The following DCK variants were observed in gnomAD, a reference collection of about 807,000 sequenced individuals.
DCK encodes the protein deoxycytidine kinase, also known as deoxyadenosine kinase.
A neutral mutation model predicts 38.3 loss-of-function variants in DCK; 23 were observed. That is an observed-to-expected ratio of 0.60 (90% confidence interval 0.43 to 0.85). The LOEUF (loss-of-function observed/expected upper bound fraction) is 0.85. Ranked by LOEUF, DCK falls within the 40% of genes least tolerant of loss-of-function variation. DCK has a pLI of 0.00. For synonymous variants in DCK, 108 were observed against 100.6 expected (o/e 1.07, Z -0.44); for missense variants, 259 against 304.4 (o/e 0.85, Z 1.11).
At chr4:71,004,253 T>C (rs1332069330) in intron 2 of DCK, among the ~76,000 whole-genome samples, 2 of 152,202 alleles carry the variant, frequency 1.3e-5, no homozygotes, top group Non-Finnish European at 2.9e-5. Flanking sequence ...GGAGGTCCAC[T>C]GCAGATCCTG....
intron 3 of DCK, among the ~76,000 whole-genome samples, chr4:71,023,113 T>C (rs924175161): frequency 6.6e-6 from 1 of 152,162 alleles, no homozygotes; most frequent in Non-Finnish European, 1.5e-5. Flanking sequence ...AAATTAGCAA[T>C]AATAAATTCA....
intron 2 of DCK, among the ~76,000 whole-genome samples, chr4:71,018,666 ATTTTTTTT>A (rs11315015): frequency 7.2e-5 from 6 of 83,312 alleles, no homozygotes; most frequent in Admixed American, 1.3e-4. Flanking sequence ...TATTTTTTAG[ATTTTTTTT>A]TTTTTTTTTT....
chr4:71,023,706 G>A lies in DCK; in HGVS notation c.549G>A (p.Glu183=), dbSNP rs1390799395. 6.3e-7 allele frequency: 1 copy of A among 1,598,258 alleles called. No homozygotes were observed. The highest frequency in any genetic ancestry group is 8.5e-7 in the Non-Finnish European group (1 of 1,175,352). ...TCATTTATCTTCAAGCCACTCCAGAGGTAAAACCCAATAAAAATGTGTTTC... is the reference window on the plus strand; with the variant it reads ...TCATTTATCTTCAAGCCACTCCAGAAGTAAAACCCAATAAAAATGTGTTTC... ...DGIIYLQATP[E]TCLHRIYLRG... The change falls in exon 4 of 7, where the codon GAG becomes GAA. Residue 183 remains glutamate (E), a splice_region_variant and synonymous_variant. Transcript: ENST00000286648.
chr4:70,994,205 A>G (rs140581791), intron 1 of DCK, among the ~76,000 whole-genome samples: 2,337 of 152,308 alleles, frequency 0.015, 33 homozygotes, highest in Non-Finnish European at 0.024. Flanking sequence ...GGAACTCGCA[A>G]AGGGAAGCGG....
At chr4:71,023,808 C>T in intron 4 of DCK, 102 bp downstream of exon 4, 1 of 1,006,772 alleles carries the variant, frequency 9.9e-7, no homozygotes, top group East Asian at 2.8e-5. Flanking sequence ...CTCCAGCCTC[C>T]CAACCTCCCA....
At chr4:71,024,459 A>C (rs918453496) in intron 4 of DCK, among the ~76,000 whole-genome samples, 2 of 151,982 alleles carry the variant, frequency 1.3e-5, no homozygotes, top group Non-Finnish European at 2.9e-5. Context: ...GTGCATTTCT[A>C]TTGTTTCTGT....
chr4:71,024,209 G>A (rs1003395712), intron 4 of DCK, among the ~76,000 whole-genome samples: 4 of 152,144 alleles, frequency 2.6e-5, no homozygotes, highest in African/African-American at 9.7e-5. Context: ...ATGGTTGTTT[G>A]TGCCTTGGAA....
chr4:71,029,359 A>T lies in DCK; in HGVS notation c.764A>T (p.Glu255Val). 1 of 1,603,190 alleles carries T rather than the reference A, an allele frequency of 6.2e-7. No homozygotes were observed. Among genetic ancestry groups the T allele is most frequent in the Non-Finnish European group, 8.5e-7 (1 of 1,174,070 alleles). ...KYESLVEKVK[E>V]FLSTL ...TTTTCTTCCTTTCCTCAGGTCAAAG[A>T]GTTTTTGAGTACTTTGTGATCTTGC... Residue 255 changes from glutamate to valine, a missense_variant, in exon 7 of 7, where the codon GAG becomes GTG. Physicochemically the swap from Glu to Val is moderately radical, Grantham distance 121. Coordinates refer to ENST00000286648, the MANE Select transcript of DCK (RefSeq NM_000788.3).
chr4:71,010,019 C>T (rs563674102), intron 2 of DCK, among the ~76,000 whole-genome samples: 69 of 152,196 alleles, frequency 4.5e-4, no homozygotes, highest in African/African-American at 1.3e-3. Context: ...CAGACCTAAC[C>T]TTGGCAAGGT....
At chr4:70,993,994 G>C in intron 1 of DCK, 68 bp downstream of exon 1, 1 of 1,127,798 alleles carries the variant, frequency 8.9e-7, no homozygotes, top group Non-Finnish European at 1.3e-6. Flanking sequence ...GCTTCCCTTC[G>C]CCGCATCTCT....
chr4:71,028,504 T>C (rs1740595550), intron 6 of DCK: 1 of 322,728 alleles, frequency 3.1e-6, no homozygotes, highest in Non-Finnish European at 6.0e-6. Context: ...GAGCTTTGAT[T>C]GCACCACTGT....
intron 1 of DCK, among the ~76,000 whole-genome samples, chr4:70,994,913 G>T (rs1739626977): frequency 1.3e-5 from 2 of 152,200 alleles, no homozygotes; most frequent in African/African-American, 4.8e-5. Context: ...CCAACCACAG[G>T]AAACCTACCC....
chr4:71,015,126 C>G lies in DCK; in HGVS notation c.208-7241C>G, dbSNP rs570388360. Among the ~76,000 whole-genome samples, 15 of 152,016 alleles carry G rather than the reference C, an allele frequency of 9.9e-5. No individual in the cohort carries two copies. The South Asian group carries it at 1.2e-3, about 13-fold the overall frequency. ...CCCACAGAAATACAAACTACCATCACAGAATACTATAAACACCTCTACAAA... is the reference window on the plus strand; with the variant it reads ...CCCACAGAAATACAAACTACCATCAGAGAATACTATAAACACCTCTACAAA... On this transcript the variant is annotated intron_variant, in intron 2 of 6. Transcript: ENST00000286648.
intron 2 of DCK, among the ~76,000 whole-genome samples, chr4:71,021,137 G>A (rs1203500471): frequency 1.4e-5 from 2 of 146,022 alleles, no homozygotes; most frequent in African/African-American, 2.5e-5. Context: ...CTGCAGTGGC[G>A]CAATCTCGGC....
chr4:71,000,234 G>T lies in DCK; in HGVS notation c.207+2052G>T, dbSNP rs537613725. Among the ~76,000 whole-genome samples, 21 of 152,214 alleles carry T rather than the reference G, an allele frequency of 1.4e-4. No individual in the cohort carries two copies. In the South Asian group the frequency reaches 4.4e-3, roughly 32 times the overall value. ...GGAAGGGGTCCAGTTTCCGTTTTCT[G>T]CATATGGCTAGCCAGTTTTCCCAGC... On this transcript the variant is annotated intron_variant, in intron 2 of 6. Transcript: ENST00000286648.
chr4:71,026,658 T>C lies in DCK; in HGVS notation c.666-7T>C, dbSNP rs773882928. On this transcript the variant is annotated splice_polypyrimidine_tract_variant and splice_region_variant and intron_variant, in intron 5 of 6. Transcript: ENST00000286648. The stretch of plus-strand genomic sequence containing the variant: ...TGATTATTTTATTAATCTCTCTTTT[T>C]AAACAGAACCAACTTCGATTATCTT... The C allele has an allele frequency of 5.0e-6, 7 of 1,412,618 alleles. No individual in the cohort carries two copies. In the African/African-American group the frequency reaches 7.2e-5, roughly 14 times the overall value. The allele number at this position is 1,412,618 out of a possible 1,614,324, so 87.5% of individuals were successfully genotyped here. A position where few individuals can be genotyped will look rare whatever the true frequency, so the allele number is the denominator to read the frequency against.
At chr4:71,022,284 T>G in intron 2 of DCK, 83 bp from the exon 3 acceptor site, 1 of 735,802 alleles carries the variant, frequency 1.4e-6, no homozygotes, top group Non-Finnish European at 2.1e-6. Flanking sequence ...TTTATCTGAC[T>G]TTTATTTTTT....
At chr4:71,028,640 G>C (rs1386008434) in intron 6 of DCK, 1 of 441,170 alleles carries the variant, frequency 2.3e-6, no homozygotes, top group Admixed American at 2.5e-5. Context: ...CCGTCGCCCA[G>C]GCTGGAGTGC....
At chr4:71,029,125 C>T (rs1432665488) in intron 6 of DCK, among the ~76,000 whole-genome samples, 2 of 152,172 alleles carry the variant, frequency 1.3e-5, no homozygotes, top group African/African-American at 4.8e-5. Flanking sequence ...AACTCCTGAC[C>T]TTAAGTGATC....
Sources: allele counts gnomAD v4.1 joint callset (sites outside exome capture counted in the v4.1 genomes callset), GRCh38; gene constraint gnomAD v4.1.1; transcripts MANE v1.5; gene names NCBI Gene and HGNC (gene_info 2026-07-23, HGNC 2026-07-21).